The following CEBPA variants were observed in gnomAD, a reference collection of about 807,000 sequenced individuals.
CEBPA encodes the protein CCAAT/enhancer-binding protein alpha.
Under a neutral mutation model 5.1 loss-of-function variants are expected in CEBPA, and 2 were observed. That is an observed-to-expected ratio of 0.39 (90% confidence interval 0.16 to 1.23). The LOEUF is 1.23. Ranked by LOEUF, CEBPA falls within the 50% of genes most tolerant of loss-of-function variation. The pLI, the probability that CEBPA is intolerant of heterozygous loss-of-function variation, is 0.34. For missense variants in CEBPA, 455 were observed against 537.4 expected (o/e 0.85, Z 1.52); for synonymous variants, 275 against 264.1 (o/e 1.04, Z -0.40).
chr19:33,301,813 AGGTGCGCGGGCGGCG>A lies in CEBPA; in HGVS notation c.587_601del (p.Pro196_His200del). 8.0e-7 allele frequency: 1 copy of A among 1,245,702 alleles called. No individual in the cohort carries two copies. The highest frequency in any genetic ancestry group is 1.0e-6 in the Non-Finnish European group (1 of 995,660). 77.2% of individuals were successfully genotyped at this position (1,245,702 alleles called of 1,614,324 possible). On this transcript the variant is annotated inframe_deletion, in exon 1 of 1. Coordinates refer to ENST00000498907, the MANE Select transcript of CEBPA (RefSeq NM_004364.5). This position sits in a 1 kb window ranked among gnomAD's most constrained non-coding sequence, Gnocchi z 6.0. The stretch of plus-strand genomic sequence containing the variant: ...CTGGAACTGCAGGTGCGGGGCGGCC[AGGTGCGCGGGCGGCG>A]GGTGCGGGTGCGGGTGCGAGGGCGG...
rs1383328991 is a variant in CEBPA at position 33,302,311 on chromosome 19, CG to C, written c.103del (p.Arg35GlyfsTer125). On this transcript the variant is annotated frameshift_variant, in exon 1 of 1. Transcript: ENST00000498907. LOFTEE classifies it low-confidence loss of function (END_TRUNC). Reference protein sequence around the residue: ...APSSAAFGFPRGAGPAQPPAP... With the variant: ...APSSAAFGFPXGAGPAQPPAP... ...GGGAGGCTGCGCGGGGCCCGCGCCC[CG>C]GGGAAAGCCGAAGGCGGCGCTGCTG... The C allele has an allele frequency of 1.4e-6, 2 of 1,433,952 alleles. No individual in the cohort carries two copies. Among genetic ancestry groups the C allele is most frequent in the South Asian group, 1.4e-5 (1 of 68,972 alleles). The allele number at this position is 1,433,952 out of a possible 1,614,324, so 88.8% of individuals were successfully genotyped here.
chr19:33,301,731 C>G lies in CEBPA; in HGVS notation c.684G>C (p.Pro228=). ...GGTGCGGGCTGGGCACGGGCGTGGG[C>G]GGCGGCGTGGGGTGACCGGGCTGCA... The part of the protein sequence containing the change: ...MHLQPGHPTP[P]PTPVPSPHPA... Residue 228 remains proline, a synonymous_variant, in exon 1 of 1, where the codon CCG becomes CCC. Transcript: ENST00000498907. The surrounding 1 kb of genome is among the most constrained non-coding windows in gnomAD (Gnocchi z 6.0). 8.7e-7 allele frequency: 1 copy of G among 1,152,988 alleles called. No homozygotes were observed. Among genetic ancestry groups the G allele is most frequent in the Middle Eastern group, 3.4e-4 (1 of 2,934 alleles). The allele number at this position is 1,152,988 out of a possible 1,614,324, so 71.4% of individuals were successfully genotyped here.
chr19:33,302,298 G>C lies in CEBPA; in HGVS notation c.117C>G (p.Pro39=). ...AAFGFPRGAG[P]AQPPAPPAAP... ...CGGCAGGTGGGGCGGGAGGCTGCGC[G>C]GGGCCCGCGCCCCGGGGAAAGCCGA... The change falls in exon 1 of 1, where the codon CCC becomes CCG. Residue 39 remains proline (P), a synonymous_variant. Coordinates refer to ENST00000498907, the MANE Select transcript of CEBPA (RefSeq NM_004364.5). 1 of 1,465,350 alleles carries C rather than the reference G, an allele frequency of 6.8e-7. No homozygotes were observed. Among genetic ancestry groups the C allele is most frequent in the Non-Finnish European group, 9.1e-7 (1 of 1,104,016 alleles). The allele number at this position is 1,465,350 out of a possible 1,614,324, so 90.8% of individuals were successfully genotyped here. A position where few individuals can be genotyped will look rare whatever the true frequency, so the allele number is the denominator to read the frequency against.
Position 33,301,360 on chromosome 19 carries a change from T to A in CEBPA, c.1055A>T (p.Lys352Met). Residue 352 changes from lysine to methionine, a missense_variant, in exon 1 of 1, where the codon AAG becomes ATG. Lys to Met is a moderately conservative substitution (Grantham distance 95). This residue lies in a region of CEBPA where 38 missense variants were observed against 30.3 expected (regional missense o/e 1.25). Transcript: ENST00000498907. The surrounding 1 kb of genome is among the most constrained non-coding windows in gnomAD (Gnocchi z 6.0). Reference protein sequence around the residue: ...FRQLPESSLVKAMGNCA With the variant: ...FRQLPESSLVMAMGNCA The stretch of plus-strand genomic sequence containing the variant: ...GCCTCACGCGCAGTTGCCCATGGCC[T>A]TGACCAAGGAGCTCTCTGGCAGCTG... 6.2e-7 allele frequency: 1 copy of A among 1,603,860 alleles called. No individual in the cohort carries two copies. The highest frequency in any genetic ancestry group is 8.5e-7 in the Non-Finnish European group (1 of 1,178,654).
Position 33,301,808 on chromosome 19 carries a change from C to A in CEBPA, c.607G>T (p.Ala203Ser), listed in dbSNP as rs750527466. The change falls in exon 1 of 1, where the codon GCC becomes TCC. Residue 203 changes from alanine (A) to serine (S), a missense_variant. By Grantham distance (99) the Ala-to-Ser change is moderately conservative. Around this residue, in one of 5 missense-constraint regions of CEBPA, gnomAD observed 141 missense variants for 124.1 expected, o/e 1.14. Coordinates refer to ENST00000498907, the MANE Select transcript of CEBPA (RefSeq NM_004364.5). This position sits in a 1 kb window ranked among gnomAD's most constrained non-coding sequence, Gnocchi z 6.0. ...HPHPPPAHLA[A>S]PHLQFQIAHC... ...GCGATCTGGAACTGCAGGTGCGGGG[C>A]GGCCAGGTGCGCGGGCGGCGGGTGC... is the stretch of plus-strand genomic sequence containing the variant. 1 of 1,242,460 alleles carries A rather than the reference C, an allele frequency of 8.0e-7. No individual in the cohort carries two copies. The highest frequency in any genetic ancestry group is 1.0e-6 in the Non-Finnish European group (1 of 994,428). The allele number at this position is 1,242,460 out of a possible 1,614,324, so 77.0% of individuals were successfully genotyped here. A position where few individuals can be genotyped will look rare whatever the true frequency, so the allele number is the denominator to read the frequency against.
rs1223584541 is a variant in CEBPA, at chr19:33,301,886, C to G, written c.529G>C (p.Gly177Arg). The change falls in exon 1 of 1, where the codon GGC becomes CGC. Residue 177 changes from glycine to arginine, a missense_variant. Around this residue, in one of 5 missense-constraint regions of CEBPA, gnomAD observed 141 missense variants for 124.1 expected, o/e 1.14. Coordinates refer to ENST00000498907, the MANE Select transcript of CEBPA (RefSeq NM_004364.5). This position sits in a 1 kb window ranked among gnomAD's most constrained non-coding sequence, Gnocchi z 6.0. ...GGCGGCGGCTGGTAAGGGAAGAGGC[C>G]GGCCAGCGCCAGCTGCTTGGCTTCA... ...EDEAKQLALA[G>R]LFPYQPPPPP... 2.3e-6 allele frequency: 3 copies of G among 1,297,488 alleles called. No homozygotes were observed. The highest frequency in any genetic ancestry group is 3.0e-6 in the Non-Finnish European group (3 of 1,013,406). The allele number at this position is 1,297,488 out of a possible 1,614,324, so 80.4% of individuals were successfully genotyped here.
rs41367646 is a variant in CEBPA, at chr19:33,300,977, C to G, written c.*361G>C. 1.2e-5 allele frequency: 4 copies of G among 342,444 alleles called. No individual in the cohort carries two copies. The highest frequency in any genetic ancestry group is 4.2e-5 in the Admixed American group (1 of 23,606). The allele number at this position is 342,444 out of a possible 1,614,324, so 21.2% of individuals were successfully genotyped here. On this transcript the variant is annotated 3_prime_UTR_variant, in exon 1 of 1. Transcript: ENST00000498907. Reference sequence around the variant, plus strand: ...GCCTCGGGAAGGAGGCAGGAAACCTCCAAATAAAATGACAAGGCACGATTT... The same window carrying G: ...GCCTCGGGAAGGAGGCAGGAAACCTGCAAATAAAATGACAAGGCACGATTT...
At position 33,302,424 on chromosome 19, in the gene CEBPA, A is replaced by G; in HGVS notation, c.-10T>C. ...AGTCGGCCGACTCCATGGGGGAGTT[A>G]GAGTTCTCCCGGCATGGCGAGCCTC... On this transcript the variant is annotated 5_prime_UTR_variant, in exon 1 of 1. An upstream open reading frame in the 5' UTR loses its in-frame stop. Coordinates refer to ENST00000498907, the MANE Select transcript of CEBPA (RefSeq NM_004364.5). 1.6e-6 allele frequency: 2 copies of G among 1,262,060 alleles called. No individual in the cohort carries two copies. The highest frequency in any genetic ancestry group is 2.0e-6 in the Non-Finnish European group (2 of 1,000,990). The allele number at this position is 1,262,060 out of a possible 1,614,324, so 78.2% of individuals were successfully genotyped here.
At position 33,301,465 on chromosome 19, in the gene CEBPA, A is replaced by T. The variant is rs756436149; in HGVS notation, c.950T>A (p.Leu317Gln). 1 of 1,613,332 alleles carries T rather than the reference A, an allele frequency of 6.2e-7. No homozygotes were observed. Among genetic ancestry groups the T allele is most frequent in the Non-Finnish European group, 8.5e-7 (1 of 1,179,840 alleles). Reference sequence around the variant, plus strand: ...GCGCAGGCGGTCATTGTCACTGGTCAGCTCCAGCACCTTCTGCTGCGTCTC... The same window carrying T: ...GCGCAGGCGGTCATTGTCACTGGTCTGCTCCAGCACCTTCTGCTGCGTCTC... ...NVETQQKVLE[L>Q]TSDNDRLRKR... The change falls in exon 1 of 1, where the codon CTG (leucine) becomes CAG (glutamine). Residue 317 changes from leucine (L) to glutamine (Q), a missense_variant. By Grantham distance (113) the Leu-to-Gln change is moderately radical. Around this residue, in one of 5 missense-constraint regions of CEBPA, gnomAD observed 118 missense variants for 189.3 expected, o/e 0.62. Transcript: ENST00000498907. The surrounding 1 kb of genome is among the most constrained non-coding windows in gnomAD (Gnocchi z 6.0).
In CEBPA at chr19:33,301,860, C is replaced by T. The variant is rs754400471; in HGVS notation, c.555G>A (p.Pro185=). Residue 185 remains proline, a synonymous_variant, in exon 1 of 1, where the codon CCG becomes CCA. Coordinates refer to ENST00000498907, the MANE Select transcript of CEBPA (RefSeq NM_004364.5). This position sits in a 1 kb window ranked among gnomAD's most constrained non-coding sequence, Gnocchi z 6.0. ...LAGLFPYQPP[P]PPPPSHPHPH... is the part of the protein sequence containing the mutation. Reference sequence around the variant, plus strand: ...GGTGCGGGTGCGAGGGCGGCGGCGGCGGCGGCGGCTGGTAAGGGAAGAGGC... The same window carrying T: ...GGTGCGGGTGCGAGGGCGGCGGCGGTGGCGGCGGCTGGTAAGGGAAGAGGC... The T allele has an allele frequency of 1.4e-4, 174 of 1,264,944 alleles. 6 individuals are homozygous for T. The South Asian group carries it at 3.1e-3, about 23-fold the overall frequency. 78.4% of individuals were successfully genotyped at this position (1,264,944 alleles called of 1,614,324 possible). A position where few individuals can be genotyped will look rare whatever the true frequency, so the allele number is the denominator to read the frequency against.
rs771005232 is a variant in CEBPA, at chr19:33,301,656, G to A, written c.759C>T (p.Leu253=). 6.7e-7 allele frequency: 1 copy of A among 1,498,936 alleles called. No individual in the cohort carries two copies. The highest frequency in any genetic ancestry group is 1.2e-5 in the South Asian group (1 of 80,312). 92.9% of individuals were successfully genotyped at this position (1,498,936 alleles called of 1,614,324 possible). A position where few individuals can be genotyped will look rare whatever the true frequency, so the allele number is the denominator to read the frequency against. The change falls in exon 1 of 1, where the codon CTC becomes CTT. Residue 253 remains leucine, a synonymous_variant. Transcript: ENST00000498907. The surrounding 1 kb of genome is among the most constrained non-coding windows in gnomAD (Gnocchi z 6.0). Reference sequence around the variant, plus strand: ...CGGGGTGCGCGGCGCCCAGCCCCTTGAGCGCGCTGCCAGGGCCCGGCAGGC... The same window carrying A: ...CGGGGTGCGCGGCGCCCAGCCCCTTAAGCGCGCTGCCAGGGCCCGGCAGGC... ...AAGLPGPGSA[L]KGLGAAHPDL...
rs1060504477 is a variant in CEBPA at position 33,302,028 on chromosome 19, G to T, written c.387C>A (p.Pro129=). The T allele has an allele frequency of 7.6e-6, 9 of 1,182,176 alleles. No homozygotes were observed. The African/African-American group carries it at 8.1e-5, about 11-fold the overall frequency. The allele number at this position is 1,182,176 out of a possible 1,614,324, so 73.2% of individuals were successfully genotyped here. A position where few individuals can be genotyped will look rare whatever the true frequency, so the allele number is the denominator to read the frequency against. ...VMPGGAHGPP[P]GYGCAAAGYL... is the part of the protein sequence containing the mutation. ...AGCCGGCGGCCGCGCAGCCGTAGCC[G>T]GGCGGGGGCCCGTGCGCTCCCCCGG... Residue 129 remains proline, a synonymous_variant, in exon 1 of 1, where the codon CCC becomes CCA. Coordinates refer to ENST00000498907, the MANE Select transcript of CEBPA (RefSeq NM_004364.5).
chr19:33,300,054 T>C lies in CEBPA; in HGVS notation c.*1284A>G, dbSNP rs1336501011. The C allele has an allele frequency of 3.0e-5, 7 of 233,306 alleles. No individual in the cohort carries two copies. The highest frequency in any genetic ancestry group is 1.5e-4 in the African/African-American group (7 of 45,364). 14.5% of individuals were successfully genotyped at this position (233,306 alleles called of 1,614,324 possible). A position where few individuals can be genotyped will look rare whatever the true frequency, so the allele number is the denominator to read the frequency against. ...CCCTGCTCCCAGCCCCAGTGATGCGTTGGCGGGAGGCCACCTCCCTTCCCG... is the reference window on the plus strand; with the variant it reads ...CCCTGCTCCCAGCCCCAGTGATGCGCTGGCGGGAGGCCACCTCCCTTCCCG... On this transcript the variant is annotated 3_prime_UTR_variant, in exon 1 of 1. Coordinates refer to ENST00000498907, the MANE Select transcript of CEBPA (RefSeq NM_004364.5).
chr19:33,301,233 G>C lies in CEBPA; in HGVS notation c.*105C>G. The C allele has an allele frequency of 6.8e-7, 1 of 1,470,066 alleles. No homozygotes were observed. Among genetic ancestry groups the C allele is most frequent in the Non-Finnish European group, 9.0e-7 (1 of 1,113,106 alleles). The allele number at this position is 1,470,066 out of a possible 1,614,324, so 91.1% of individuals were successfully genotyped here. A position where few individuals can be genotyped will look rare whatever the true frequency, so the allele number is the denominator to read the frequency against. On this transcript the variant is annotated 3_prime_UTR_variant, in exon 1 of 1. Coordinates refer to ENST00000498907, the MANE Select transcript of CEBPA (RefSeq NM_004364.5). The surrounding 1 kb of genome is among the most constrained non-coding windows in gnomAD (Gnocchi z 6.0). ...TTTCAGGAGGCACCGGAATCTCCTA[G>C]TCCTGGCTCGCACGGCTCGGGCAAG... is the stretch of plus-strand genomic sequence containing the variant.
At position 33,301,180 on chromosome 19, in the gene CEBPA, G is replaced by A; in HGVS notation, c.*158C>T. 2 of 1,260,870 alleles carry A rather than the reference G, an allele frequency of 1.6e-6. No individual in the cohort carries two copies. The highest frequency in any genetic ancestry group is 1.6e-5 in the South Asian group (1 of 63,780). The allele number at this position is 1,260,870 out of a possible 1,614,324, so 78.1% of individuals were successfully genotyped here. ...ACGCACCAAGTCCGGCGCAGAGGAA[G>A]GGAGGGGACACGCGGAGCAGGCCAG... On this transcript the variant is annotated 3_prime_UTR_variant, in exon 1 of 1. Transcript: ENST00000498907. The surrounding 1 kb of genome is among the most constrained non-coding windows in gnomAD (Gnocchi z 6.0).
At position 33,301,316 on chromosome 19, in the gene CEBPA, G is replaced by T; in HGVS notation, c.*22C>A. 1 of 1,571,334 alleles carries T rather than the reference G, an allele frequency of 6.4e-7. No individual in the cohort carries two copies. The highest frequency in any genetic ancestry group is 1.1e-5 in the South Asian group (1 of 87,978). ...GGGTCCCCGCCGGAGGCTGGCCCAGGGCGGTCCCACAGCCGCGCGCCTCAC... is the reference window on the plus strand; with the variant it reads ...GGGTCCCCGCCGGAGGCTGGCCCAGTGCGGTCCCACAGCCGCGCGCCTCAC... On this transcript the variant is annotated 3_prime_UTR_variant, in exon 1 of 1. Transcript: ENST00000498907. This position sits in a 1 kb window ranked among gnomAD's most constrained non-coding sequence, Gnocchi z 6.0.
rs1358539228 is a variant in CEBPA at position 33,302,110 on chromosome 19, C to T, written c.305G>A (p.Gly102Asp). Residue 102 changes from glycine (G) to aspartate (D), a missense_variant, in exon 1 of 1, where the codon GGC becomes GAC. Transcript: ENST00000498907. Reference protein sequence around the residue: ...KAAVGPTGGGGGGDFDYPGAP... With the variant: ...KAAVGPTGGGDGGDFDYPGAP... ...GCCCGGGTAGTCAAAGTCGCCGCCG[C>T]CGCCGCCGCCCGTGGGGCCCACGGC... The T allele has an allele frequency of 3.0e-6, 4 of 1,340,814 alleles. No homozygotes were observed. Among genetic ancestry groups the T allele is most frequent in the East Asian group, 3.2e-5 (1 of 31,454 alleles). The allele number at this position is 1,340,814 out of a possible 1,614,324, so 83.1% of individuals were successfully genotyped here.
At position 33,302,469 on chromosome 19, in the gene CEBPA, G is replaced by C. The variant is rs868377482; in HGVS notation, c.-55C>G. The C allele has an allele frequency of 1.6e-5, 19 of 1,158,288 alleles. No individual in the cohort carries two copies. Among genetic ancestry groups the C allele is most frequent in the African/African-American group, 8.0e-5 (5 of 62,228 alleles). 71.8% of individuals were successfully genotyped at this position (1,158,288 alleles called of 1,614,324 possible). On this transcript the variant is annotated 5_prime_UTR_variant, in exon 1 of 1. Coordinates refer to ENST00000498907, the MANE Select transcript of CEBPA (RefSeq NM_004364.5). ...AGCCTCGGCGGCCTCCAGCCTGCGC[G>C]GGGCGTCGCCGCCGCCCACCCGGAG... is the stretch of plus-strand genomic sequence containing the variant.
In CEBPA at chr19:33,301,852, G is replaced by GA. The variant is rs1967179583; in HGVS notation, c.562_563insT (p.Pro188LeufsTer133). ...CGGGTGCGGGTGCGGGTGCGAGGGC[G>GA]GCGGCGGCGGCGGCGGCTGGTAAGG... On this transcript the variant is annotated frameshift_variant, in exon 1 of 1. Transcript: ENST00000498907. LOFTEE classifies it low-confidence loss of function (END_TRUNC). This position sits in a 1 kb window ranked among gnomAD's most constrained non-coding sequence, Gnocchi z 6.0. The GA allele has an allele frequency of 5.3e-6, 7 of 1,312,440 alleles. No homozygotes were observed. The highest frequency in any genetic ancestry group is 3.4e-5 in the East Asian group (1 of 29,224). The allele number at this position is 1,312,440 out of a possible 1,614,324, so 81.3% of individuals were successfully genotyped here.
Sources: allele counts gnomAD v4.1 joint callset, GRCh38; gene constraint gnomAD v4.1.1; regional missense constraint gnomAD v4.1.1; non-coding constraint Gnocchi (gnomAD v3.1); transcripts MANE v1.5; gene names NCBI Gene and HGNC (gene_info 2026-07-23, HGNC 2026-07-21).